The following CCDC171 variants were observed in gnomAD, a reference collection of about 807,000 sequenced individuals.
CCDC171 encodes coiled-coil domain-containing protein 171.
A neutral mutation model predicts 168.2 loss-of-function variants in CCDC171; 177 were observed. The ratio of observed to expected loss-of-function variants is 1.05; its 90% CI spans 0.93 to 1.19. The LOEUF (loss-of-function observed/expected upper bound fraction) is 1.19, where lower values mean the gene tolerates loss of function less well. Among genes scored for constraint, CCDC171 ranks in the 50% most tolerant of loss-of-function variants. CCDC171 has a pLI of 0.00. For missense variants in CCDC171, 1,991 were observed against 1,539.0 expected (o/e 1.29, Z -4.91); for synonymous variants, 687 against 540.8 (o/e 1.27, Z -3.75).
intron 7 of CCDC171, among the ~76,000 whole-genome samples, chr9:15,633,927 A>G (rs1028023582): frequency 3.9e-5 from 6 of 152,102 alleles, no homozygotes; most frequent in East Asian, 1.9e-4. Context: ...CGCAAGAACA[A>G]CAAACGAAAC....
Position 15,834,589 on chromosome 9 carries a change from TTA to T in CCDC171, c.3268-12110_3268-12109del, listed in dbSNP as rs549008910. On this transcript the variant is annotated intron_variant, in intron 21 of 25. Coordinates refer to ENST00000380701, the MANE Select transcript of CCDC171 (RefSeq NM_173550.4). The stretch of plus-strand genomic sequence containing the variant: ...AAGAGGCTACCCAATGGATATGACT[TTA>T]TAATGCTTTGATCTTATGGAGTGCT... Among the ~76,000 whole-genome samples the T allele has an allele frequency of 3.3e-5, 5 of 152,230 alleles. 1 individual carries two copies. In the South Asian group the frequency reaches 1.0e-3, roughly 31 times the overall value.
chr9:15,807,459 A>C (rs547217025), intron 21 of CCDC171, among the ~76,000 whole-genome samples: 2 of 152,314 alleles, frequency 1.3e-5, no homozygotes, highest in Non-Finnish European at 2.9e-5. Context: ...GGACGGGGAT[A>C]GAATAACCTT....
chr9:15,954,641 T>C (rs947255381), intron 25 of CCDC171, among the ~76,000 whole-genome samples: 5 of 151,308 alleles, frequency 3.3e-5, no homozygotes, highest in African/African-American at 1.2e-4. Flanking sequence ...CCTCAGTAAT[T>C]TCTGTGGTCC....
At chr9:16,010,356 G>T (rs547232076) in intron 3 of CCDC171, among the ~76,000 whole-genome samples, 1 of 152,244 alleles carries the variant, frequency 6.6e-6, no homozygotes, top group South Asian at 2.1e-4. Context: ...TTGCTTGCAA[G>T]ATACTCCAGG....
At chr9:15,627,060 G>A (rs532472331) in intron 7 of CCDC171, among the ~76,000 whole-genome samples, 6 of 152,078 alleles carry the variant, frequency 3.9e-5, no homozygotes, top group Admixed American at 6.6e-5. Flanking sequence ...TGTATGTGTC[G>A]AGGAATTTAT....
intron 1 of CCDC171, among the ~76,000 whole-genome samples, chr9:16,058,042 GAA>G (rs201883453): frequency 1.9e-4 from 27 of 145,848 alleles, no homozygotes; most frequent in African/African-American, 6.9e-4. Context: ...TGAATTTTTT[GAA>G]AAAAAAAAAA....
intron 14 of CCDC171, among the ~76,000 whole-genome samples, chr9:15,727,368 A>G (rs1033138224): frequency 1.3e-5 from 2 of 152,218 alleles, no homozygotes; most frequent in Non-Finnish European, 2.9e-5. Flanking sequence ...AATTGTGTCC[A>G]TGTAAAGTAC....
intron 18 of CCDC171, among the ~76,000 whole-genome samples, chr9:15,772,961 C>T (rs2057090929): frequency 6.7e-6 from 1 of 149,912 alleles, no homozygotes; most frequent in Non-Finnish European, 1.5e-5. Context: ...ATTTAGTTAA[C>T]AATACTCATT....
At chr9:15,987,425 A>T (rs1296211887) in intron 3 of CCDC171, among the ~76,000 whole-genome samples, 1 of 152,144 alleles carries the variant, frequency 6.6e-6, no homozygotes, top group Non-Finnish European at 1.5e-5. Context: ...CTAAAATAAA[A>T]GTTGGAAAGA....
chr9:15,914,816 A>T (rs1241689008), intron 24 of CCDC171, among the ~76,000 whole-genome samples: 1 of 152,062 alleles, frequency 6.6e-6, no homozygotes, highest in Non-Finnish European at 1.5e-5. Context: ...GGTTGTGAAG[A>T]CTGTGGGAAA....
At chr9:15,712,207 T>C (rs796206076) in intron 11 of CCDC171, among the ~76,000 whole-genome samples, 75 of 152,318 alleles carry the variant, frequency 4.9e-4, no homozygotes, top group African/African-American at 1.6e-3. Flanking sequence ...ATCTGCCAAT[T>C]CAGATGTTAA....
chr9:15,642,351 A>G (rs1389924672), intron 7 of CCDC171, among the ~76,000 whole-genome samples: 2,575 of 40,192 alleles, frequency 0.064, 71 homozygotes, highest in Non-Finnish European at 0.093. Context: ...GTGTATATAT[A>G]TATATATATA....
chr9:15,733,304 AT>A (rs1478731313), intron 16 of CCDC171, among the ~76,000 whole-genome samples: 5 of 152,080 alleles, frequency 3.3e-5, no homozygotes, highest in African/African-American at 9.7e-5. Flanking sequence ...TTTATGACCC[AT>A]TTATCAATTT....
chr9:15,776,938 C>G (rs958862913), intron 18 of CCDC171, among the ~76,000 whole-genome samples: 5 of 152,142 alleles, frequency 3.3e-5, no homozygotes, highest in Non-Finnish European at 7.4e-5. Flanking sequence ...AGATTAAGAC[C>G]TACCTAGCAG....
intron 25 of CCDC171, among the ~76,000 whole-genome samples, chr9:15,944,837 T>TTTCTTTCC (rs1828137265): frequency 8.5e-3 from 2 of 236 alleles, no homozygotes; most frequent in African/African-American, 0.014. Context: ...TTCTTTCTTT[T>TTTCTTTCC]TTCTTTCTTT....
chr9:15,978,279 A>T (rs767572799), downstream of CCDC171, among the ~76,000 whole-genome samples: 1 of 152,234 alleles, frequency 6.6e-6, no homozygotes, highest in Non-Finnish European at 1.5e-5. Context: ...AGAGATTCCT[A>T]TGAAGCAGAG....
intron 3 of CCDC171, among the ~76,000 whole-genome samples, chr9:15,574,499 G>C (rs1253048463): frequency 6.6e-6 from 1 of 151,854 alleles, no homozygotes. Context: ...GGCTGGTCGC[G>C]AACTCCTGAC....
chr9:15,995,466 C>T (rs1445582619), intron 3 of CCDC171, among the ~76,000 whole-genome samples: 1 of 152,200 alleles, frequency 6.6e-6, no homozygotes, highest in African/African-American at 2.4e-5. Flanking sequence ...AAGCTTTTGC[C>T]TATCACAGCA....
rs1461388785 is a variant in CCDC171 at position 15,666,245 on chromosome 9, A to G, written c.998A>G (p.Lys333Arg). Reference protein sequence around the residue: ...AEAVADLEIIKNEFKEVESAY... With the variant: ...AEAVADLEIIRNEFKEVESAY... ...GCTGTTGCTGATTTGGAAATTATCA[A>G]GAATGAATTCAAAGAAGTTGAAAGT... Residue 333 changes from lysine (K) to arginine (R), a missense_variant, in exon 9 of 26, where the codon AAG becomes AGG. Lys to Arg is a conservative substitution (Grantham distance 26, BLOSUM62 2). Coordinates refer to ENST00000380701, the MANE Select transcript of CCDC171 (RefSeq NM_173550.4). 1 of 1,613,934 alleles carries G rather than the reference A, an allele frequency of 6.2e-7. No homozygotes were observed.
Sources: gnomAD v4.1 joint callset for allele counts (sites outside exome capture counted in the v4.1 genomes callset) on GRCh38, gnomAD v4.1.1 for gene constraint, MANE v1.5 for transcripts, NCBI Gene and HGNC (gene_info 2026-07-23, HGNC 2026-07-21) for gene names.